ECE1: variants seen among roughly 807,000 people sequenced by gnomAD.
ECE1 encodes endothelin-converting enzyme 1.
Under a neutral mutation model 98.6 loss-of-function variants are expected in ECE1, and 35 were observed. The ratio of observed to expected loss-of-function variants is 0.35; its 90% confidence interval spans 0.27 to 0.47. The LOEUF (loss-of-function observed/expected upper bound fraction) is 0.47, where lower values mean the gene tolerates loss of function less well. Ranked by LOEUF, ECE1 falls within the 20% of genes least tolerant of loss-of-function variation. The pLI is 1.00. For missense variants in ECE1, 814 were observed against 1,025.3 expected (o/e 0.79, Z 2.81); for synonymous variants, 394 against 407.1 (o/e 0.97, Z 0.39).
At position 21,272,726 on chromosome 1, in the gene ECE1, T is replaced by C. The variant is rs1204185559; in HGVS notation, c.466A>G (p.Asn156Asp). 3.1e-6 allele frequency: 5 copies of C among 1,614,120 alleles called. No individual in the cohort carries two copies. The highest frequency in any genetic ancestry group is 4.2e-6 in the Non-Finnish European group (5 of 1,180,046). Residue 156 changes from asparagine (N) to aspartate (D), a missense_variant, in exon 4 of 19, where the codon AAC (asparagine) becomes GAC (aspartate). Asn to Asp is a conservative substitution (Grantham distance 23). Coordinates refer to ENST00000374893, the MANE Select transcript of ECE1 (RefSeq NM_001397.3). ...WGTFSNLWEH[N>D]QAIIKHLLEN... ...AGGAGGTGCTTGATGATTGCTTGGT[T>C]GTGTTCCCAGAGGTTGCTGAAGGTC...
intron 14 of ECE1, among the ~76,000 whole-genome samples, chr1:21,232,885 C>T (rs1272205394): frequency 2.0e-5 from 3 of 152,056 alleles, no homozygotes; most frequent in African/African-American, 7.2e-5. Flanking sequence ...GCCATGTTGA[C>T]CATGGCTGGT....
Position 21,225,193 on chromosome 1 carries a change from G to C in ECE1, c.2040+57C>G. 6.3e-7 allele frequency: 1 copy of C among 1,597,224 alleles called. No individual in the cohort carries two copies. The highest frequency in any genetic ancestry group is 1.7e-5 in the Admixed American group (1 of 59,806). On this transcript the variant is annotated intron_variant, in intron 17 of 18. Transcript: ENST00000374893. The surrounding 1 kb of genome is among the most constrained non-coding windows in gnomAD (Gnocchi z 5.3). ...TGTCCGTGATGATCCTCTACGGACA[G>C]GCATCTGGAAGGAGCCAGCACTGGG...
At chr1:21,305,763 A>G (rs1638581266) in intron 1 of ECE1, among the ~76,000 whole-genome samples, 1 of 152,216 alleles carries the variant, frequency 6.6e-6, no homozygotes, top group African/African-American at 2.4e-5. Context: ...GCTGCTGAGC[A>G]CAGGGAAAAA....
At chr1:21,283,272 T>A (rs561114085) in intron 2 of ECE1, among the ~76,000 whole-genome samples, 56 of 129,470 alleles carry the variant, frequency 4.3e-4, no homozygotes, top group African/African-American at 1.4e-3. Context: ...TGAATTTTTT[T>A]TAAATTTTTT....
chr1:21,246,702 G>A (rs1268795833), intron 9 of ECE1, among the ~76,000 whole-genome samples: 1 of 151,996 alleles, frequency 6.6e-6, no homozygotes, highest in Non-Finnish European at 1.5e-5. Context: ...TGTCTCCCAC[G>A]CTGGAGTGCA....
chr1:21,321,609 G>GGATTGATT (rs10622861), intron 1 of ECE1, among the ~76,000 whole-genome samples: 5,334 of 151,162 alleles, frequency 0.035, 347 homozygotes, highest in African/African-American at 0.12. Flanking sequence ...CTGTCACACA[G>GGATTGATT]GATTGATTGA....
chr1:21,328,405 A>G (rs1465829168), intron 1 of ECE1, among the ~76,000 whole-genome samples: 1 of 152,218 alleles, frequency 6.6e-6, no homozygotes, highest in African/African-American at 2.4e-5. Flanking sequence ...AGTAAATGGT[A>G]GATATTGCCA....
At chr1:21,253,450 A>T (rs2098215346) in intron 8 of ECE1, among the ~76,000 whole-genome samples, 1 of 152,030 alleles carries the variant, frequency 6.6e-6, no homozygotes, top group Admixed American at 6.6e-5. Context: ...CTGTTCTCAA[A>T]GGACTCTGTG....
intron 14 of ECE1, among the ~76,000 whole-genome samples, chr1:21,228,934 G>A (rs1170879931): frequency 1.4e-5 from 2 of 145,836 alleles, no homozygotes; most frequent in Non-Finnish European, 3.0e-5. Flanking sequence ...TCCGCCCCCC[G>A]GGGTTCACGC....
rs977586694 is a variant in ECE1, at chr1:21,233,258, C to G, written c.1670+300G>C. Reference sequence around the variant, plus strand: ...TCTGCGGAAAATGAAATGAAGGCTCCAAATCCCAAAGCAGTGGAGCGGAGA... The same window carrying G: ...TCTGCGGAAAATGAAATGAAGGCTCGAAATCCCAAAGCAGTGGAGCGGAGA... On this transcript the variant is annotated intron_variant, in intron 14 of 18. Transcript: ENST00000374893. The surrounding 1 kb of genome is among the most constrained non-coding windows in gnomAD (Gnocchi z 4.0). 2 of 332,986 alleles carry G rather than the reference C, an allele frequency of 6.0e-6. No homozygotes were observed. Among genetic ancestry groups the G allele is most frequent in the Non-Finnish European group, 5.7e-6 (1 of 174,932 alleles). The allele number at this position is 332,986 out of a possible 1,614,324, so 20.6% of individuals were successfully genotyped here. A position where few individuals can be genotyped will look rare whatever the true frequency, so the allele number is the denominator to read the frequency against.
chr1:21,287,136 T>C (rs1358458399), intron 2 of ECE1, among the ~76,000 whole-genome samples: 4 of 152,222 alleles, frequency 2.6e-5, no homozygotes, highest in Non-Finnish European at 5.9e-5. Context: ...CTAAAACGAA[T>C]GGACTTCAAA....
intron 1 of ECE1, among the ~76,000 whole-genome samples, chr1:21,339,805 C>T (rs1351665599): frequency 6.6e-6 from 1 of 152,188 alleles, no homozygotes; most frequent in Non-Finnish European, 1.5e-5. Flanking sequence ...CCAAAGGGGC[C>T]CTGTTGGGAG....
chr1:21,294,220 T>A (rs1282163201), upstream of ECE1: 1 of 152,448 alleles, frequency 6.6e-6, no homozygotes, highest in Non-Finnish European at 1.5e-5. This position sits in a 1 kb window ranked among gnomAD's most constrained non-coding sequence, Gnocchi z 4.2. Context: ...GGTGGGAACC[T>A]CACAGAGTCT....
chr1:21,309,970 T>G (rs1638682230), intron 1 of ECE1, among the ~76,000 whole-genome samples: 1 of 151,784 alleles, frequency 6.6e-6, no homozygotes, highest in Admixed American at 6.6e-5. Context: ...TCTTGTATTT[T>G]TAGTAGAGAC....
At chr1:21,308,672 A>C (rs904388439) in intron 1 of ECE1, among the ~76,000 whole-genome samples, 20 of 152,124 alleles carry the variant, frequency 1.3e-4, no homozygotes, top group African/African-American at 4.8e-4. Flanking sequence ...TTTGTGAAAC[A>C]GGGCTAGTAC....
chr1:21,273,566 G>A (rs897323211), intron 3 of ECE1, among the ~76,000 whole-genome samples: 1 of 152,140 alleles, frequency 6.6e-6, no homozygotes, highest in African/African-American at 2.4e-5. Flanking sequence ...TGGATGACAG[G>A]ACATAGGAAG....
rs148260646 is a variant in ECE1 at position 21,319,090 on chromosome 1, A to T, written c.3+26286T>A. 3.9e-5 allele frequency among the ~76,000 whole-genome samples: 6 copies of T among 152,284 alleles called. No individual in the cohort carries two copies. The East Asian group carries it at 1.2e-3, about 29-fold the overall frequency. On this transcript the variant is annotated intron_variant, in intron 1 of 18. Coordinates refer to the ECE1 transcript ENST00000415912. The surrounding 1 kb of genome is among the most constrained non-coding windows in gnomAD (Gnocchi z 4.4). ...CCAGGCACGGTGGCTCAAGCTCGTA[A>T]TCCAAGCACTTTGGGAAGCCAAGGT...
chr1:21,296,679 A>AG (rs1207321436), intron 1 of ECE1, among the ~76,000 whole-genome samples: 1 of 152,228 alleles, frequency 6.6e-6, no homozygotes, highest in Non-Finnish European at 1.5e-5. Context: ...GCAGAGACTG[A>AG]GGCTCAGAGA....
intron 16 of ECE1, among the ~76,000 whole-genome samples, chr1:21,226,776 A>T (rs1196938668): frequency 3.3e-5 from 5 of 152,096 alleles, no homozygotes; most frequent in Non-Finnish European, 5.9e-5. Flanking sequence ...CCCAGGCTGG[A>T]CTGCAGTGGC....
Sources: gnomAD v4.1 joint callset for allele counts (sites outside exome capture counted in the v4.1 genomes callset) on GRCh38, gnomAD v4.1.1 for gene constraint, Gnocchi (gnomAD v3.1) non-coding constraint, MANE v1.5 for transcripts, NCBI Gene and HGNC (gene_info 2026-07-23, HGNC 2026-07-21) for gene names.